IRAG1: variants seen among roughly 807,000 people sequenced by gnomAD.
IRAG1 encodes the protein inositol 1,4,5-triphosphate receptor associated 1, also known as IP3R-associated cGMP kinase substrate.
Under a neutral mutation model 106.2 loss-of-function variants are expected in IRAG1, and 62 were observed. That is an observed-to-expected ratio of 0.58 (90% CI 0.48 to 0.72). IRAG1 has a LOEUF of 0.72. IRAG1 is among the 30% of genes least tolerant of loss of function. The pLI, the probability that IRAG1 is intolerant of heterozygous loss-of-function variation, is 0.00. For missense variants in IRAG1, 1,064 were observed against 1,140.7 expected (o/e 0.93, Z 0.97); for synonymous variants, 462 against 443.9 (o/e 1.04, Z -0.51).
intron 1 of IRAG1, among the ~76,000 whole-genome samples, chr11:10,664,594 T>A (rs118128266): frequency 0.014 from 2,147 of 152,296 alleles, 24 homozygotes; most frequent in Non-Finnish European, 0.021. Context: ...GAGTTCAAGT[T>A]CACGTTGCCT....
At chr11:10,651,881 G>T in intron 2 of IRAG1, 144 bp downstream of exon 2, 2 of 987,522 alleles carry the variant, frequency 2.0e-6, no homozygotes, top group Non-Finnish European at 2.9e-6. Context: ...CAGTATGGAA[G>T]CCACACACCT....
Position 10,626,400 on chromosome 11 carries a change from T to C in IRAG1, c.934A>G (p.Ser312Gly), listed in dbSNP as rs1180519580. The C allele has an allele frequency of 6.2e-7, 1 of 1,613,838 alleles. No homozygotes were observed. Among genetic ancestry groups the C allele is most frequent in the Non-Finnish European group, 8.5e-7 (1 of 1,179,870 alleles). Residue 312 changes from serine to glycine, a missense_variant, in exon 9 of 21, where the codon AGC becomes GGC. Coordinates refer to ENST00000423302, the MANE Select transcript of IRAG1 (RefSeq NM_130385.4). Reference protein sequence around the residue: ...TPKGLAPVTNSSGKMALNSPQ... With the variant: ...TPKGLAPVTNGSGKMALNSPQ... Reference sequence around the variant, plus strand: ...CTGTTCAGGGCCATTTTCCCACTGCTGTTTGTAACAGGAGCTAGGCCTTTG... The same window carrying C: ...CTGTTCAGGGCCATTTTCCCACTGCCGTTTGTAACAGGAGCTAGGCCTTTG...
intron 2 of IRAG1, among the ~76,000 whole-genome samples, chr11:10,640,371 A>G (rs189111073): frequency 9.2e-5 from 14 of 152,360 alleles, no homozygotes; most frequent in African/African-American, 3.4e-4. Context: ...AAATCCTCTA[A>G]TCCCTTGATG....
intron 1 of IRAG1, among the ~76,000 whole-genome samples, chr11:10,673,858 T>C (rs1860442304): frequency 6.6e-6 from 1 of 151,900 alleles, no homozygotes; most frequent in Non-Finnish European, 1.5e-5. Context: ...AGAAAACAGG[T>C]TGAGGGAAAG....
Position 10,626,593 on chromosome 11 carries a change from A to T in IRAG1, c.751-10T>A. ...GCCCTTTGGGGACGTTCTGAAAAAG[A>T]CAAGGTAGAGCTGGAACCCTCGGGG... is the stretch of plus-strand genomic sequence containing the variant. On this transcript the variant is annotated splice_polypyrimidine_tract_variant and intron_variant, in intron 8 of 20. Transcript: ENST00000423302. 1 of 1,589,762 alleles carries T rather than the reference A, an allele frequency of 6.3e-7. No individual in the cohort carries two copies. The highest frequency in any genetic ancestry group is 8.6e-7 in the Non-Finnish European group (1 of 1,166,214).
intron 2 of IRAG1, among the ~76,000 whole-genome samples, chr11:10,641,408 G>A (rs956644846): frequency 5.9e-5 from 9 of 152,224 alleles, no homozygotes; most frequent in African/African-American, 2.2e-4. Context: ...GCGCAATGGA[G>A]CATCTCTCCT....
At chr11:10,633,851 G>C (rs1213825419) in intron 3 of IRAG1, 117 bp downstream of exon 3, 3 of 553,162 alleles carry the variant, frequency 5.4e-6, no homozygotes, top group Non-Finnish European at 6.1e-6. Flanking sequence ...CTTGATTATA[G>C]TTTAGTCAAT....
At position 10,604,483 on chromosome 11, in the gene IRAG1, A is replaced by C. The variant is rs190094493; in HGVS notation, c.1665T>G (p.Ile555Met). 1.3e-3 allele frequency: 2,028 copies of C among 1,614,016 alleles called. 2 individuals are homozygous for C. Among genetic ancestry groups the C allele is most frequent in the Non-Finnish European group, 1.4e-3 (1,677 of 1,179,880 alleles). Residue 555 changes from isoleucine to methionine, a missense_variant, in exon 13 of 21, where the codon ATT becomes ATG. By Grantham distance (10) the Ile-to-Met change is conservative. Coordinates refer to ENST00000423302, the MANE Select transcript of IRAG1 (RefSeq NM_130385.4). ...RNDSYTLESR[I>M]NQAERERNLT... ...GGTTGCGTTCCCTTTCAGCCTGGTT[A>C]ATTCTAGATTCCAGAGTGTAGCTGT...
chr11:10,634,466 C>T (rs1340117737), intron 2 of IRAG1, among the ~76,000 whole-genome samples: 1 of 152,144 alleles, frequency 6.6e-6, no homozygotes, highest in Non-Finnish European at 1.5e-5. Context: ...ACTACAGTCA[C>T]CGTGCTGTAC....
In IRAG1 at chr11:10,604,411, G is replaced by A. The variant is rs752547371; in HGVS notation, c.1737C>T (p.Ser579=). ...TEKELENFKA[S]ITSSASLWHH... Reference sequence around the variant, plus strand: ...CATCAGGCTCCACAATTACCGTAATGGAAGCTTTGAAGTTTTCCAGTTCTT... The same window carrying A: ...CATCAGGCTCCACAATTACCGTAATAGAAGCTTTGAAGTTTTCCAGTTCTT... The change falls in exon 13 of 21, where the codon TCC becomes TCT. Residue 579 remains serine, a synonymous_variant. Transcript: ENST00000423302. 4.2e-5 allele frequency: 68 copies of A among 1,613,882 alleles called. No individual in the cohort carries two copies. The highest frequency in any genetic ancestry group is 5.6e-5 in the Non-Finnish European group (66 of 1,179,886).
chr11:10,591,486 A>C (rs536717549), intron 18 of IRAG1, 62 bp downstream of exon 18: 5 of 1,432,842 alleles, frequency 3.5e-6, no homozygotes, highest in Non-Finnish European at 4.8e-6. Flanking sequence ...GAGGAAGGAA[A>C]GTAAAATGGG....
chr11:10,661,383 T>C (rs1859389200), intron 1 of IRAG1, among the ~76,000 whole-genome samples: 1 of 152,240 alleles, frequency 6.6e-6, no homozygotes, highest in Non-Finnish European at 1.5e-5. Flanking sequence ...CTTCCTGTAG[T>C]AGTTTCCTAC....
rs1324923685 is a variant in IRAG1 at position 10,594,130 on chromosome 11, C to T, written c.2067+16G>A. The T allele has an allele frequency of 6.3e-7, 1 of 1,599,730 alleles. No homozygotes were observed. The highest frequency in any genetic ancestry group is 1.1e-5 in the South Asian group (1 of 87,996). ...TACTCCTTCCAGGAGCCCTGGTATTCCTTGAACATGCATACCTTTCCCAGC... is the reference window on the plus strand; with the variant it reads ...TACTCCTTCCAGGAGCCCTGGTATTTCTTGAACATGCATACCTTTCCCAGC... On this transcript the variant is annotated intron_variant, in intron 16 of 20. Coordinates refer to ENST00000423302, the MANE Select transcript of IRAG1 (RefSeq NM_130385.4).
In IRAG1 at chr11:10,576,138, T is replaced by G. The variant is rs1591523949; in HGVS notation, c.*194A>C. On this transcript the variant is annotated 3_prime_UTR_variant, in exon 21 of 21. Coordinates refer to ENST00000423302, the MANE Select transcript of IRAG1 (RefSeq NM_130385.4). ...ACTGGATGCTTTCCCAGGGCAGTTT[T>G]GTTGATCCTCCAAGAACATCAAGTC... 6 of 691,302 alleles carry G rather than the reference T, an allele frequency of 8.7e-6. No homozygotes were observed. The South Asian group carries it at 1.2e-4, about 14-fold the overall frequency. The allele number at this position is 691,302 out of a possible 1,614,324, so 42.8% of individuals were successfully genotyped here.
intron 10 of IRAG1, 59 bp downstream of exon 10, chr11:10,623,719 T>C: frequency 6.7e-7 from 1 of 1,501,894 alleles, no homozygotes; most frequent in Non-Finnish European, 9.3e-7. Flanking sequence ...TCACCTTCCT[T>C]GATCTGGCAC....
intron 2 of IRAG1, among the ~76,000 whole-genome samples, chr11:10,644,344 T>C (rs1046647259): frequency 6.6e-6 from 1 of 152,254 alleles, no homozygotes; most frequent in African/African-American, 2.4e-5. Context: ...GTTGCTACCA[T>C]TATCTTGTAT....
intron 1 of IRAG1, among the ~76,000 whole-genome samples, chr11:10,676,482 T>A (rs1296509183): frequency 6.6e-6 from 1 of 152,220 alleles, no homozygotes; most frequent in Non-Finnish European, 1.5e-5. Flanking sequence ...CCCCACAGAA[T>A]ATCCCATGCT....
At chr11:10,674,590 T>C (rs1860501729) in intron 1 of IRAG1, among the ~76,000 whole-genome samples, 1 of 152,186 alleles carries the variant, frequency 6.6e-6, no homozygotes, top group Non-Finnish European at 1.5e-5. Flanking sequence ...AGCTGGAAAC[T>C]TCCCAGAACA....
rs746411401 is a variant in IRAG1, at chr11:10,633,967, C to T, written c.329+1G>A. 23 of 1,603,536 alleles carry T rather than the reference C, an allele frequency of 1.4e-5. No homozygotes were observed. Among genetic ancestry groups the T allele is most frequent in the Non-Finnish European group, 1.7e-5 (20 of 1,171,918 alleles). The stretch of plus-strand genomic sequence containing the variant: ...ACAATGCAAGGATCAGGCACCTGTA[C>T]CTGTTGGCCAGGTTTTTGTCGGTTT... On this transcript the variant is annotated splice_donor_variant, in intron 3 of 20. Coordinates refer to ENST00000423302, the MANE Select transcript of IRAG1 (RefSeq NM_130385.4). LOFTEE classifies it high-confidence loss of function.
Sources: allele counts gnomAD v4.1 joint callset (sites outside exome capture counted in the v4.1 genomes callset), GRCh38; gene constraint gnomAD v4.1.1; transcripts MANE v1.5; gene names NCBI Gene and HGNC (gene_info 2026-07-23, HGNC 2026-07-21).